Variants in STARD10 observed in about 807,000 individuals in gnomAD.
STARD10 encodes the protein StAR related lipid transfer domain containing 10, also known as START domain-containing protein 10.
In STARD10, 24 loss-of-function variants were observed where a neutral mutation model predicts 36.0. The observed-to-expected ratio is 0.67, with a 90% CI of 0.48 to 0.94. The LOEUF (loss-of-function observed/expected upper bound fraction) is 0.94, where lower values mean the gene tolerates loss of function less well. STARD10 is among the 40% of genes least tolerant of loss of function. The pLI, the probability that STARD10 is intolerant of heterozygous loss-of-function variation, is 0.00. For missense variants in STARD10, 335 were observed against 396.6 expected, an observed-to-expected ratio of 0.84 and a Z score of 1.32; for synonymous variants, 156 against 161.9, an observed-to-expected ratio of 0.96 and a Z score of 0.28.
Position 72,775,279 on chromosome 11 carries a change from C to T in STARD10, c.207+5696G>A, listed in dbSNP as rs531928414. Among the ~76,000 whole-genome samples, 8 of 152,324 alleles carry T rather than the reference C, an allele frequency of 5.3e-5. No individual in the cohort carries two copies. In the East Asian group the frequency reaches 1.5e-3, roughly 29 times the overall value. On this transcript the variant is annotated intron_variant, in intron 2 of 6. Coordinates refer to ENST00000334805, the MANE Select transcript of STARD10 (RefSeq NM_006645.3). ...CCTTGCTCCATTCCCCACAACCTGGCTTTAAGGTGGGCCTTGGCACCTCTG... is the reference window on the plus strand; with the variant it reads ...CCTTGCTCCATTCCCCACAACCTGGTTTTAAGGTGGGCCTTGGCACCTCTG...
intron 2 of STARD10, among the ~76,000 whole-genome samples, chr11:72,764,742 T>G (rs1332772692): frequency 1.3e-5 from 2 of 152,032 alleles, no homozygotes; most frequent in African/African-American, 4.8e-5. Context: ...GAGCACCAGG[T>G]GGGCGGGCCG....
chr11:72,764,500 G>T (rs1184551379), intron 2 of STARD10, among the ~76,000 whole-genome samples: 2 of 152,268 alleles, frequency 1.3e-5, no homozygotes, highest in South Asian at 4.1e-4. Context: ...GGCAGCGCAG[G>T]TGAAGAAACT....
At chr11:72,755,792 C>G in intron 5 of STARD10, 39 bp from the exon 6 acceptor site, 1 of 1,572,118 alleles carries the variant, frequency 6.4e-7, no homozygotes, top group Non-Finnish European at 8.7e-7. Flanking sequence ...CCTCAGGGAC[C>G]CAGCCCCTCC....
chr11:72,781,146 C>T lies in STARD10; in HGVS notation c.36G>A (p.Gly12=), dbSNP rs574733007. The change falls in exon 2 of 7, where the codon GGG becomes GGA. Residue 12 remains glycine, a synonymous_variant. Transcript: ENST00000334805. This position sits in a 1 kb window ranked among gnomAD's most constrained non-coding sequence, Gnocchi z 4.7. ...TCTCACGGCCCAGGACCGGCCGAGG[C>T]CCTTGGGGCTCTGTAGAGGCCGCCA... ...EKLAASTEPQ[G]PRPVLGRESV... 1 of 1,612,828 alleles carries T rather than the reference C, an allele frequency of 6.2e-7. No individual in the cohort carries two copies. The highest frequency in any genetic ancestry group is 8.5e-7 in the Non-Finnish European group (1 of 1,180,010).
rs115494440 is a variant in STARD10 at position 72,766,328 on chromosome 11, G to A, written c.208-6947C>T. On this transcript the variant is annotated intron_variant, in intron 2 of 6. Coordinates refer to ENST00000334805, the MANE Select transcript of STARD10 (RefSeq NM_006645.3). ...GTGTGCAACTGTGTGGTGGGAGACC[G>A]GCGGTGAACCAGACCTGAGCCCTGC... 1.6e-3 allele frequency among the ~76,000 whole-genome samples: 243 copies of A among 152,232 alleles called. 2 individuals carry two copies. Among genetic ancestry groups the A allele is most frequent in the African/African-American group, 5.6e-3 (234 of 41,528 alleles).
At chr11:72,786,474 C>T (rs1859073310) in intron 1 of STARD10, among the ~76,000 whole-genome samples, 1 of 152,232 alleles carries the variant, frequency 6.6e-6, no homozygotes. Flanking sequence ...CCCAGTCCCA[C>T]CTGGAGCCGG....
At chr11:72,770,834 T>C (rs1858845586) in intron 2 of STARD10, among the ~76,000 whole-genome samples, 1 of 151,920 alleles carries the variant, frequency 6.6e-6, no homozygotes, top group Non-Finnish European at 1.5e-5. Flanking sequence ...GCAGAGGTGA[T>C]GGCCTGAGAA....
rs1244878398 is a variant in STARD10, at chr11:72,755,444, G to A, written c.630+257C>T. The A allele has an allele frequency of 8.8e-6, 5 of 569,446 alleles. No homozygotes were observed. The Admixed American group carries it at 1.4e-4, about 16-fold the overall frequency. 35.3% of individuals were successfully genotyped at this position (569,446 alleles called of 1,614,324 possible). The stretch of plus-strand genomic sequence containing the variant: ...TCCTGCCTTAGCCTCCCGAGTAGCT[G>A]GGATTACAGGCACCCACCATCACAC... On this transcript the variant is annotated intron_variant, in intron 6 of 6. Coordinates refer to ENST00000334805, the MANE Select transcript of STARD10 (RefSeq NM_006645.3).
chr11:72,784,594 T>C (rs973141718), intron 1 of STARD10, among the ~76,000 whole-genome samples: 6 of 152,218 alleles, frequency 3.9e-5, no homozygotes, highest in Non-Finnish European at 5.9e-5. Flanking sequence ...TTGGCAAGTT[T>C]TGATTCTCAT....
At position 72,786,810 on chromosome 11, in the gene STARD10, G is replaced by A. The variant is rs1011945553; in HGVS notation, c.-113-5516C>T. ...CAGCCAGGTGCAGTGGCTCACACCT[G>A]TAATCACACCTATAATTCCAGTGCT... On this transcript the variant is annotated intron_variant, in intron 1 of 6. Coordinates refer to ENST00000334805, the MANE Select transcript of STARD10 (RefSeq NM_006645.3). 2.5e-4 allele frequency among the ~76,000 whole-genome samples: 38 copies of A among 152,294 alleles called. 1 individual carries two copies. The highest frequency in any genetic ancestry group is 8.2e-4 in the African/African-American group (34 of 41,554).
intron 2 of STARD10, among the ~76,000 whole-genome samples, chr11:72,773,832 C>T (rs1280661720): frequency 2.0e-5 from 3 of 152,244 alleles, no homozygotes; most frequent in Non-Finnish European, 4.4e-5. Context: ...TTGCTCGTCA[C>T]CCGTTCAGGA....
intron 2 of STARD10, among the ~76,000 whole-genome samples, chr11:72,768,472 G>T (rs1858819397): frequency 6.6e-6 from 1 of 151,834 alleles, no homozygotes; most frequent in Non-Finnish European, 1.5e-5. Context: ...AATCCCAAGA[G>T]CTGCGCCAGG....
intron 6 of STARD10, 168 bp from the exon 7 acceptor site, chr11:72,755,310 T>A (rs900707974): frequency 9.7e-5 from 57 of 584,980 alleles, no homozygotes; most frequent in Middle Eastern, 1.0e-3. Context: ...TCCATTCTTT[T>A]TTTTTTTTTT....
chr11:72,757,964 C>A (rs899900505), intron 4 of STARD10, 80 bp from the exon 5 acceptor site: 17 of 1,142,318 alleles, frequency 1.5e-5, no homozygotes, highest in Non-Finnish European at 2.3e-5. Context: ...CAAACGCGCA[C>A]GCGCACACAC....
intron 2 of STARD10, among the ~76,000 whole-genome samples, chr11:72,779,586 A>G (rs888423775): frequency 1.3e-5 from 2 of 151,146 alleles, no homozygotes; most frequent in Non-Finnish European, 1.5e-5. Flanking sequence ...AGGCTTCTCA[A>G]AAAAAAAAGA....
intron 1 of STARD10, among the ~76,000 whole-genome samples, chr11:72,785,544 G>A (rs1258221034): frequency 2.3e-5 from 3 of 131,484 alleles, no homozygotes; most frequent in Non-Finnish European, 4.6e-5. Flanking sequence ...CTGGGTGACA[G>A]GGCGAGGCTC....
At position 72,781,901 on chromosome 11, in the gene STARD10, C is replaced by A. The variant is rs907703489; in HGVS notation, c.-113-607G>T. 2.0e-5 allele frequency: 3 copies of A among 151,418 alleles called. No individual in the cohort carries two copies. The highest frequency in any genetic ancestry group is 3.0e-5 in the Non-Finnish European group (2 of 67,696). The allele number at this position is 151,418 out of a possible 1,614,324, so 9.4% of individuals were successfully genotyped here. On this transcript the variant is annotated intron_variant, in intron 1 of 6. Coordinates refer to ENST00000334805, the MANE Select transcript of STARD10 (RefSeq NM_006645.3). The surrounding 1 kb of genome is among the most constrained non-coding windows in gnomAD (Gnocchi z 4.7). ...TTCCAGGCTGCGGAGGTGAAGCTGA[C>A]GGATCTCCGAGCCCCGCCCCGCCCC...
intron 2 of STARD10, among the ~76,000 whole-genome samples, chr11:72,764,448 G>A (rs774578532): frequency 9.9e-5 from 15 of 152,262 alleles, no homozygotes; most frequent in Non-Finnish European, 1.9e-4. Flanking sequence ...GCAGACTCTT[G>A]TGGAGGAAGG....
At chr11:72,771,809 G>C (rs74579772) in intron 2 of STARD10, among the ~76,000 whole-genome samples, 1,801 of 152,250 alleles carry the variant, frequency 0.012, 102 homozygotes, top group Admixed American at 0.085. Context: ...CTGGGGGGGC[G>C]AGGGGGAGCC....
Sources: gnomAD v4.1 joint callset for allele counts (sites outside exome capture counted in the v4.1 genomes callset) on GRCh38, gnomAD v4.1.1 for gene constraint, Gnocchi (gnomAD v3.1) non-coding constraint, MANE v1.5 for transcripts, NCBI Gene and HGNC (gene_info 2026-07-23, HGNC 2026-07-21) for gene names.